TIA1: variants seen among roughly 807,000 people sequenced by gnomAD.
The protein encoded by TIA1 is TIA1 cytotoxic granule associated RNA binding protein.
In TIA1, 23 loss-of-function variants were observed where a neutral mutation model predicts 65.9. That is an observed-to-expected ratio of 0.35 (90% CI 0.25 to 0.49). The LOEUF (loss-of-function observed/expected upper bound fraction) is 0.49. TIA1 is among the 20% of genes least tolerant of loss of function. The pLI, the probability that TIA1 is intolerant of heterozygous loss-of-function variation, is 0.98. For missense variants in TIA1, 371 were observed against 477.9 expected (o/e 0.78, Z 2.09); for synonymous variants, 147 against 149.4 (o/e 0.98, Z 0.12).
Position 70,219,340 on chromosome 2 carries a change from T to C in TIA1, c.475-2346A>G, listed in dbSNP as rs563448213. ...AGGTGACCTTGAAAATAGAGTAGCA[T>C]TGGTACAAAGTGAGAGTAAAACCAG... On this transcript the variant is annotated intron_variant, in intron 7 of 12. Transcript: ENST00000433529. Among the ~76,000 whole-genome samples, 10 of 152,254 alleles carry C rather than the reference T, an allele frequency of 6.6e-5. No homozygotes were observed. In the East Asian group the frequency reaches 1.5e-3, roughly 23 times the overall value.
intron 5 of TIA1, chr2:70,228,755 A>T: frequency 1.6e-6 from 2 of 1,288,522 alleles, no homozygotes; most frequent in Non-Finnish European, 2.0e-6. Context: ...AGCATTTGGA[A>T]GATCTGGGTA....
At chr2:70,236,220 C>G in intron 1 of TIA1, 45 bp from the exon 2 acceptor site, 3 of 1,228,044 alleles carry the variant, frequency 2.4e-6, no homozygotes, top group Non-Finnish European at 3.5e-6. Context: ...TTTTTTGAGA[C>G]AGAGTTTCAC....
In TIA1 at chr2:70,209,584, T is replaced by C. The variant is rs561758985; in HGVS notation, c.*3135A>G. ...GTAATAACCTCCTATAAAGAAACGA[T>C]TGGGGACTATCATTTTTGTGATTTA... On this transcript the variant is annotated 3_prime_UTR_variant, in exon 13 of 13. Coordinates refer to ENST00000433529, the MANE Select transcript of TIA1 (RefSeq NM_022173.4). 1.5e-4 allele frequency: 59 copies of C among 398,248 alleles called. No individual in the cohort carries two copies. The highest frequency in any genetic ancestry group is 1.1e-3 in the African/African-American group (55 of 48,696). 24.7% of individuals were successfully genotyped at this position (398,248 alleles called of 1,614,324 possible).
Position 70,215,468 on chromosome 2 carries a change from T to G in TIA1, c.791A>C (p.His264Pro). 1 of 1,613,632 alleles carries G rather than the reference T, an allele frequency of 6.2e-7. No homozygotes were observed. The highest frequency in any genetic ancestry group is 2.2e-5 in the East Asian group (1 of 44,854). ...VRFNSHESAA[H>P]AIVSVNGTTI... The stretch of plus-strand genomic sequence containing the variant: ...AGTACCATTAACAGAAACAATTGCA[T>G]GTGCTGCACTTTCATGGGAATTGAA... Residue 264 changes from histidine (H) to proline (P), a missense_variant, in exon 11 of 13, where the codon CAT (histidine) becomes CCT (proline). His to Pro is a moderately conservative substitution (Grantham distance 77). Coordinates refer to ENST00000433529, the MANE Select transcript of TIA1 (RefSeq NM_022173.4).
At position 70,248,476 on chromosome 2, in the gene TIA1, T is replaced by G. The variant is rs760001501; in HGVS notation, c.-46A>C. 1.9e-6 allele frequency: 3 copies of G among 1,600,700 alleles called. No individual in the cohort carries two copies. The East Asian group carries it at 6.7e-5, about 36-fold the overall frequency. ...CGCCTCCAGGTCCAGCTCCCTGCCC[T>G]TCACTACCTCCCAAATCGTTTAAGC... On this transcript the variant is annotated 5_prime_UTR_variant, in exon 1 of 13. Transcript: ENST00000433529.
intron 12 of TIA1, among the ~76,000 whole-genome samples, chr2:70,213,658 T>C (rs749665836): frequency 2.5e-4 from 32 of 126,056 alleles, no homozygotes; most frequent in Non-Finnish European, 4.8e-4. Flanking sequence ...CACAAAATCC[T>C]TTTTTTTTTT....
Position 70,230,918 on chromosome 2 carries a change from T to C in TIA1, c.124-64A>G, listed in dbSNP as rs956366804. The C allele has an allele frequency of 3.5e-6, 4 of 1,143,702 alleles. No individual in the cohort carries two copies. The Admixed American group carries it at 1.0e-4, about 29-fold the overall frequency. The allele number at this position is 1,143,702 out of a possible 1,614,324, so 70.8% of individuals were successfully genotyped here. A position where few individuals can be genotyped will look rare whatever the true frequency, so the allele number is the denominator to read the frequency against. ...ATTCACCCATTACCTTAAAATTATGTAAAAAAAAAAATCTTAAACCAAGTT... is the reference window on the plus strand; with the variant it reads ...ATTCACCCATTACCTTAAAATTATGCAAAAAAAAAAATCTTAAACCAAGTT... On this transcript the variant is annotated intron_variant, in intron 2 of 12. Coordinates refer to ENST00000433529, the MANE Select transcript of TIA1 (RefSeq NM_022173.4).
intron 2 of TIA1, among the ~76,000 whole-genome samples, chr2:70,231,673 T>C (rs1686368678): frequency 6.6e-6 from 1 of 152,224 alleles, no homozygotes; most frequent in Admixed American, 6.5e-5. Context: ...TTTATGATTT[T>C]TCTATCCCCT....
intron 7 of TIA1, among the ~76,000 whole-genome samples, chr2:70,221,642 G>A (rs1681433234): frequency 6.6e-6 from 1 of 152,124 alleles, no homozygotes; most frequent in African/African-American, 2.4e-5. Flanking sequence ...ATTGTTCAGG[G>A]CTGGCAGGAG....
chr2:70,216,583 A>T, intron 8 of TIA1, 84 bp from the exon 9 acceptor site: 1 of 1,383,720 alleles, frequency 7.2e-7, no homozygotes, highest in Non-Finnish European at 1.0e-6. Flanking sequence ...CACTACTGTA[A>T]AGGTAACATT....
At chr2:70,218,284 A>G (rs900686539) in intron 7 of TIA1, among the ~76,000 whole-genome samples, 2 of 152,222 alleles carry the variant, frequency 1.3e-5, no homozygotes, top group African/African-American at 4.8e-5. Context: ...AAAGTATTGC[A>G]AAGTGTGTTA....
chr2:70,212,756 G>A lies in TIA1; in HGVS notation c.1124C>T (p.Pro375Leu). 6.2e-7 allele frequency: 1 copy of A among 1,614,110 alleles called. No homozygotes were observed. Among genetic ancestry groups the A allele is most frequent in the South Asian group, 1.1e-5 (1 of 91,072 alleles). ...GQNGSMLPNQ[P>L]SGYRVAGYET... ...ATACCCTGCCACTCGATACCCAGAA[G>A]GCTGATTGGGCAACATGCTGCCATT... is the stretch of plus-strand genomic sequence containing the variant. The change falls in exon 13 of 13, where the codon CCT becomes CTT. Residue 375 changes from proline (P) to leucine (L), a missense_variant. By Grantham distance (98) the Pro-to-Leu change is moderately conservative. Transcript: ENST00000433529.
rs116828570 is a variant in TIA1 at position 70,214,436 on chromosome 2, G to A, written c.947C>T (p.Ala316Val). The A allele has an allele frequency of 1.2e-6, 2 of 1,613,914 alleles. No homozygotes were observed. Among genetic ancestry groups the A allele is most frequent in the Non-Finnish European group, 1.7e-6 (2 of 1,179,934 alleles). Reference sequence around the variant, plus strand: ...AGGCATATACTGGCCAATTTGTTGTGCATTTCCATACCACTGGCCCCACTG... The same window carrying A: ...AGGCATATACTGGCCAATTTGTTGTACATTTCCATACCACTGGCCCCACTG... ...YGQWGQWYGN[A>V]QQIGQYMPNG... Residue 316 changes from alanine to valine, a missense_variant, in exon 12 of 13, where the codon GCA (alanine) becomes GTA (valine). By Grantham distance (64) the Ala-to-Val change is moderately conservative. Coordinates refer to ENST00000433529, the MANE Select transcript of TIA1 (RefSeq NM_022173.4).
At position 70,236,168 on chromosome 2, in the gene TIA1, C is replaced by T. The variant is rs1398300627; in HGVS notation, c.34G>A (p.Gly12Ser). The T allele has an allele frequency of 1.2e-6, 2 of 1,603,286 alleles. No homozygotes were observed. Among genetic ancestry groups the T allele is most frequent in the Admixed American group, 1.7e-5 (1 of 59,144 alleles). The stretch of plus-strand genomic sequence containing the variant: ...TCTGTCACATCTCTGGAAAGGTTAC[C>T]GACGTATCTGAAACACAAAGAGAAA... ...EDEMPKTLYV[G>S]NLSRDVTEAL... Residue 12 changes from glycine to serine, a missense_variant, in exon 2 of 13, where the codon GGT becomes AGT. Transcript: ENST00000433529.
At chr2:70,243,135 A>G (rs1160037477) in intron 1 of TIA1, among the ~76,000 whole-genome samples, 1 of 152,214 alleles carries the variant, frequency 6.6e-6, no homozygotes, top group Non-Finnish European at 1.5e-5. Context: ...GCTAATGAAG[A>G]AACTGTGTAA....
At chr2:70,216,786 C>T (rs1483329692) in intron 8 of TIA1, 100 bp downstream of exon 8, 2 of 1,606,830 alleles carry the variant, frequency 1.2e-6, no homozygotes, top group Middle Eastern at 1.7e-4. Flanking sequence ...TGCTTCTCAT[C>T]TATTTCTGCA....
chr2:70,218,522 C>G (rs983576929), intron 7 of TIA1, among the ~76,000 whole-genome samples: 1 of 152,174 alleles, frequency 6.6e-6, no homozygotes, highest in African/African-American at 2.4e-5. Flanking sequence ...AGCTCCGCCT[C>G]CTGGGTTCCT....
chr2:70,229,203 T>A, intron 4 of TIA1, 61 bp downstream of exon 4: 1 of 1,604,080 alleles, frequency 6.2e-7, no homozygotes, highest in Non-Finnish European at 8.5e-7. Context: ...TTTATAGGCT[T>A]TACAATAAAA....
At chr2:70,229,454 C>A in intron 3 of TIA1, 136 bp from the exon 4 acceptor site, 1 of 690,542 alleles carries the variant, frequency 1.4e-6, no homozygotes, top group Admixed American at 2.8e-5. Flanking sequence ...CAAGTTTCAA[C>A]ACTTAATCTT....
Sources: gnomAD v4.1 joint callset for allele counts (sites outside exome capture counted in the v4.1 genomes callset) on GRCh38, gnomAD v4.1.1 for gene constraint, MANE v1.5 for transcripts, NCBI Gene and HGNC (gene_info 2026-07-23, HGNC 2026-07-21) for gene names.